ZNF407: variants seen among roughly 807,000 people sequenced by gnomAD.
The protein encoded by ZNF407 is zinc finger protein 407.
ZNF407 carries 17 observed loss-of-function variants against 131.2 expected under a neutral mutation model. The observed-to-expected ratio is 0.13, with a 90% confidence interval of 0.09 to 0.19. The LOEUF (loss-of-function observed/expected upper bound fraction) is 0.19. Among genes scored for constraint, ZNF407 ranks in the 10% least tolerant of loss-of-function variants. The pLI is 1.00. For missense variants in ZNF407, 2,681 were observed against 2,830.6 expected, an observed-to-expected ratio of 0.95 and a Z score of 1.20; for synonymous variants, 1,156 against 1,062.0, an observed-to-expected ratio of 1.09 and a Z score of -1.72.
intron 8 of ZNF407, chr18:75,060,020 C>T (rs1238182534): frequency 6.6e-6 from 1 of 152,232 alleles, no homozygotes; most frequent in Non-Finnish European, 1.5e-5. Context: ...CCCTTTCCAA[C>T]CCTCAAAACT....
intron 4 of ZNF407, among the ~76,000 whole-genome samples, chr18:74,862,278 G>A (rs1213271895): frequency 6.6e-6 from 1 of 152,232 alleles, no homozygotes; most frequent in Non-Finnish European, 1.5e-5. Flanking sequence ...ACACGCCAGA[G>A]CTCTCACTCA....
intron 8 of ZNF407, among the ~76,000 whole-genome samples, chr18:75,057,347 G>A (rs1007699561): frequency 8.5e-5 from 13 of 152,192 alleles, no homozygotes; most frequent in African/African-American, 2.7e-4. Flanking sequence ...TATCTGCTAC[G>A]TGATGCATGA....
intron 8 of ZNF407, among the ~76,000 whole-genome samples, chr18:74,943,999 G>A (rs186982574): frequency 2.0e-5 from 3 of 152,258 alleles, no homozygotes; most frequent in Non-Finnish European, 4.4e-5. Context: ...AGGGTGTTAG[G>A]AAGTAATATT....
chr18:74,989,949 T>G (rs373320596), intron 8 of ZNF407, among the ~76,000 whole-genome samples: 18 of 152,324 alleles, frequency 1.2e-4, no homozygotes, highest in African/African-American at 2.2e-4. Flanking sequence ...ATATGTTAAA[T>G]CCATGAATTA....
chr18:74,793,815 A>G (rs185571353), intron 4 of ZNF407, among the ~76,000 whole-genome samples: 1 of 152,164 alleles, frequency 6.6e-6, no homozygotes, highest in Non-Finnish European at 1.5e-5. Context: ...TCCCGGGAGG[A>G]AAGACCTTCT....
At chr18:74,605,780 T>C (rs1334196336) in intron 1 of ZNF407, among the ~76,000 whole-genome samples, 4 of 152,198 alleles carry the variant, frequency 2.6e-5, no homozygotes, top group Non-Finnish European at 1.5e-5. Flanking sequence ...TAAGATATAA[T>C]TGTGGGACAC....
chr18:74,634,538 C>G lies in ZNF407; in HGVS notation c.3519C>G (p.Val1173=), dbSNP rs3764505. 4,208 of 1,613,744 alleles carry G rather than the reference C, an allele frequency of 2.6e-3. 92 individuals carry two copies. The Admixed American group carries it at 0.037, about 14-fold the overall frequency. Residue 1173 remains valine, a synonymous_variant, in exon 2 of 9, where the codon GTC becomes GTG. Transcript: ENST00000299687. ...SFCETFQQAP[V]KDKVRKPEEM... Reference sequence around the variant, plus strand: ...GTGAGACTTTCCAACAGGCTCCTGTCAAGGATAAAGTTAGGAAACCTGAGG... The same window carrying G: ...GTGAGACTTTCCAACAGGCTCCTGTGAAGGATAAAGTTAGGAAACCTGAGG...
At chr18:75,006,162 T>C (rs1972908069) in intron 8 of ZNF407, among the ~76,000 whole-genome samples, 2 of 152,192 alleles carry the variant, frequency 1.3e-5, no homozygotes, top group Non-Finnish European at 2.9e-5. Context: ...ATTCTTCCTC[T>C]GCACTGCCGC....
chr18:74,744,400 G>T (rs1968619637), intron 3 of ZNF407, among the ~76,000 whole-genome samples: 1 of 152,032 alleles, frequency 6.6e-6, no homozygotes, highest in Non-Finnish European at 1.5e-5. Flanking sequence ...TGCTTGGATG[G>T]TTATCCACTT....
In ZNF407 at chr18:75,048,236, T is replaced by C. The variant is rs1973458473; in HGVS notation, c.5429-14914T>C. ...TTTTGCTCTCAATGGTATTCTGATT[T>C]CACTGATTAATTTCGTGGTCTTTCT... On this transcript the variant is annotated intron_variant, in intron 8 of 8. Coordinates refer to ENST00000299687, the MANE Select transcript of ZNF407 (RefSeq NM_017757.3). This position sits in a 1 kb window ranked among gnomAD's most constrained non-coding sequence, Gnocchi z 4.1. Among the ~76,000 whole-genome samples the C allele has an allele frequency of 6.6e-6, 1 of 152,218 alleles. No individual in the cohort carries two copies. Among genetic ancestry groups the C allele is most frequent in the Admixed American group, 6.5e-5 (1 of 15,282 alleles).
At chr18:74,676,652 T>A (rs560976741) in intron 3 of ZNF407, among the ~76,000 whole-genome samples, 10 of 151,926 alleles carry the variant, frequency 6.6e-5, no homozygotes, top group East Asian at 3.9e-4. Flanking sequence ...GCCAGGATGG[T>A]CTCGATCTCC....
At chr18:74,806,342 G>A (rs1045548668) in intron 4 of ZNF407, among the ~76,000 whole-genome samples, 3 of 152,230 alleles carry the variant, frequency 2.0e-5, no homozygotes, top group African/African-American at 7.2e-5. Context: ...AGTGTGATAT[G>A]TTGGGAAGTT....
chr18:74,685,909 T>C (rs557858104), intron 3 of ZNF407, among the ~76,000 whole-genome samples: 1 of 152,362 alleles, frequency 6.6e-6, no homozygotes, highest in African/African-American at 2.4e-5. Context: ...GTTTATTGTT[T>C]GTATTTTTTG....
intron 3 of ZNF407, among the ~76,000 whole-genome samples, chr18:74,653,766 A>G (rs545289468): frequency 1.3e-4 from 19 of 151,892 alleles, no homozygotes; most frequent in Non-Finnish European, 2.5e-4. Flanking sequence ...ATTATCAAAA[A>G]CTAACGTAAT....
Position 74,890,693 on chromosome 18 carries a change from G to A in ZNF407, c.5249+655G>A, listed in dbSNP as rs75458100. On this transcript the variant is annotated intron_variant, in intron 7 of 8. Transcript: ENST00000299687. ...ACAAGAAAGGTTTCCTGCCTTTAAG[G>A]ATATAGCATAAAAAGTGACTCAGTG... Among the ~76,000 whole-genome samples the A allele has an allele frequency of 1.1e-4, 16 of 152,164 alleles. No homozygotes were observed. The East Asian group carries it at 2.7e-3, about 26-fold the overall frequency.
intron 3 of ZNF407, among the ~76,000 whole-genome samples, chr18:74,772,682 T>C (rs1969386271): frequency 6.6e-6 from 1 of 152,172 alleles, no homozygotes; most frequent in Non-Finnish European, 1.5e-5. Context: ...TGAAGACTAT[T>C]ATTTGTTTGC....
chr18:74,926,673 G>A (rs1017929483), intron 8 of ZNF407, among the ~76,000 whole-genome samples: 9 of 152,010 alleles, frequency 5.9e-5, no homozygotes, highest in African/African-American at 2.2e-4. Context: ...CATGGTGGTG[G>A]GTGCCTGTAA....
At chr18:75,037,047 T>C (rs1239346639) in intron 8 of ZNF407, among the ~76,000 whole-genome samples, 1 of 152,198 alleles carries the variant, frequency 6.6e-6, no homozygotes, top group Non-Finnish European at 1.5e-5. Flanking sequence ...TTGCTAAATA[T>C]TTATACTGTC....
chr18:74,892,349 C>T (rs1971397134), intron 7 of ZNF407, among the ~76,000 whole-genome samples: 1 of 152,184 alleles, frequency 6.6e-6, no homozygotes, highest in Non-Finnish European at 1.5e-5. Flanking sequence ...ATGCCACTTT[C>T]TGTTTTGTAA....
Sources: gnomAD v4.1 joint callset for allele counts (sites outside exome capture counted in the v4.1 genomes callset) on GRCh38, gnomAD v4.1.1 for gene constraint, Gnocchi (gnomAD v3.1) non-coding constraint, MANE v1.5 for transcripts, NCBI Gene and HGNC (gene_info 2026-07-23, HGNC 2026-07-21) for gene names.